Variants in C11orf65 observed in about 807,000 individuals in gnomAD.
The protein encoded by C11orf65 is protein MFI.
Under a neutral mutation model 35.3 loss-of-function variants are expected in C11orf65, and 38 were observed. That is an observed-to-expected ratio of 1.08 (90% CI 0.83 to 1.41). C11orf65 has a LOEUF of 1.41. Ranked by LOEUF, C11orf65 falls within the 40% of genes most tolerant of loss-of-function variation. C11orf65 has a pLI of 0.00. For missense variants in C11orf65, 370 were observed against 367.1 expected (o/e 1.01, Z -0.06); for synonymous variants, 105 against 114.4 (o/e 0.92, Z 0.53).
At chr11:108,321,233 A>C (rs1448731926) in intron 6 of C11orf65, 1 of 1,599,588 alleles carries the variant, frequency 6.3e-7, no homozygotes, top group Non-Finnish European at 8.5e-7. Context: ...TTAACAACAA[A>C]TTTAAACATT....
upstream of C11orf65, among the ~76,000 whole-genome samples, chr11:108,469,155 G>T (rs966373828): frequency 1.3e-5 from 2 of 151,592 alleles, no homozygotes; most frequent in Non-Finnish European, 2.9e-5. Context: ...GAGGTTGGTT[G>T]CAGTGAGCCG....
At chr11:108,434,484 G>A (rs1290448857) in intron 2 of C11orf65, among the ~76,000 whole-genome samples, 3 of 150,060 alleles carry the variant, frequency 2.0e-5, no homozygotes, top group South Asian at 2.1e-4. Context: ...CAGCCTGGGT[G>A]ACAGAGGGAG....
At chr11:108,427,502 G>A (rs1205208762) in intron 3 of C11orf65, among the ~76,000 whole-genome samples, 2 of 151,230 alleles carry the variant, frequency 1.3e-5, no homozygotes, top group East Asian at 2.0e-4. Flanking sequence ...GGCGGATCAC[G>A]AGGTCAGGAG....
chr11:108,387,751 C>T (rs1414399817), intron 7 of C11orf65, among the ~76,000 whole-genome samples: 2 of 152,154 alleles, frequency 1.3e-5, no homozygotes, highest in African/African-American at 4.8e-5. Flanking sequence ...TGGTCTTGAA[C>T]TCTTGGGCTC....
chr11:108,444,289 G>A (rs1017856934), intron 2 of C11orf65, among the ~76,000 whole-genome samples: 1 of 152,026 alleles, frequency 6.6e-6, no homozygotes, highest in Non-Finnish European at 1.5e-5. Context: ...TCCCTGAATA[G>A]ACCAATAACA....
chr11:108,459,764 CACACA>C (rs1167521519), intron 2 of C11orf65, among the ~76,000 whole-genome samples: 1 of 149,340 alleles, frequency 6.7e-6, no homozygotes, highest in African/African-American at 2.5e-5. Context: ...CACACACACA[CACACA>C]CCTCTTTATT....
At chr11:108,373,687 G>A (rs1348739996) in intron 2 of C11orf65, among the ~76,000 whole-genome samples, 3 of 152,220 alleles carry the variant, frequency 2.0e-5, no homozygotes, top group Non-Finnish European at 4.4e-5. Context: ...GACAGTGGGT[G>A]CAGCGCACCG....
At chr11:108,431,228 AAC>A (rs1447690358) in intron 3 of C11orf65, among the ~76,000 whole-genome samples, 1 of 151,650 alleles carries the variant, frequency 6.6e-6, no homozygotes, top group African/African-American at 2.4e-5. Flanking sequence ...AATTCCCAGA[AAC>A]AGTTATTAAA....
At position 108,344,635 on chromosome 11, in the gene C11orf65, T is replaced by C. The variant is rs2088063010; in HGVS notation, c.227-9343A>G. 4.0e-5 allele frequency among the ~76,000 whole-genome samples: 6 copies of C among 151,776 alleles called. No individual in the cohort carries two copies. In the South Asian group the frequency reaches 1.2e-3, roughly 32 times the overall value. On this transcript the variant is annotated intron_variant, in intron 2 of 3. Coordinates refer to the C11orf65 transcript ENST00000524755. ...TGGTCTGAACTGAGATGAACAGCAG[T>C]AGGAAGGGAGAATCGTGGGTAGAGA...
chr11:108,456,230 T>A (rs2093409947), intron 2 of C11orf65, among the ~76,000 whole-genome samples: 1 of 152,132 alleles, frequency 6.6e-6, no homozygotes, highest in Admixed American at 6.6e-5. Flanking sequence ...CATATATGAT[T>A]ACATGATTTA....
intron 2 of C11orf65, chr11:108,354,702 G>T (rs938563763): frequency 2.0e-6 from 2 of 990,004 alleles, no homozygotes; most frequent in East Asian, 2.4e-5. Flanking sequence ...CAGATATGTA[G>T]ATTATTAAGC....
intron 3 of C11orf65, among the ~76,000 whole-genome samples, chr11:108,416,758 A>G (rs1453261685): frequency 6.6e-6 from 1 of 152,122 alleles, no homozygotes; most frequent in Non-Finnish European, 1.5e-5. Flanking sequence ...TGACAACACT[A>G]GATGCTAGCA....
At chr11:108,458,369 A>G (rs1196392215) in intron 2 of C11orf65, among the ~76,000 whole-genome samples, 1 of 151,036 alleles carries the variant, frequency 6.6e-6, no homozygotes, top group Non-Finnish European at 1.5e-5. Flanking sequence ...AAAAAAAAAA[A>G]AAAAAAAAAG....
chr11:108,459,830 A>G (rs1193728391), intron 2 of C11orf65, among the ~76,000 whole-genome samples: 1 of 152,016 alleles, frequency 6.6e-6, no homozygotes, highest in East Asian at 1.9e-4. Flanking sequence ...GTATTCTGAA[A>G]TGCCTAGCAC....
intron 3 of C11orf65, chr11:108,331,578 A>T (rs1428052680): frequency 3.8e-6 from 6 of 1,589,434 alleles, no homozygotes; most frequent in Non-Finnish European, 5.1e-6. Context: ...CTGAAAATCA[A>T]ACCACAATAA....
chr11:108,411,358 T>C (rs181700807), intron 3 of C11orf65, among the ~76,000 whole-genome samples: 17 of 152,348 alleles, frequency 1.1e-4, no homozygotes, highest in Admixed American at 1.3e-4. Context: ...ACTTGGAAAT[T>C]TGTTGAGACT....
intron 2 of C11orf65, among the ~76,000 whole-genome samples, chr11:108,356,926 C>G (rs2090011664): frequency 6.6e-6 from 1 of 152,132 alleles, no homozygotes; most frequent in Non-Finnish European, 1.5e-5. Flanking sequence ...TTAAACACAC[C>G]CTCCGGGAGG....
chr11:108,319,897 A>G lies in C11orf65; in HGVS notation c.641-10826T>C, dbSNP rs2085068529. ...TGTCCTTTGGTGAAGCTATTTATAC[A>G]TGTATATCTTAGGGTTCTGTTTTTA... On this transcript the variant is annotated intron_variant, in intron 6 of 6. Transcript: ENST00000525729. 4 of 1,223,942 alleles carry G rather than the reference A, an allele frequency of 3.3e-6. No homozygotes were observed. The Admixed American group carries it at 7.0e-5, about 22-fold the overall frequency. The allele number at this position is 1,223,942 out of a possible 1,614,324, so 75.8% of individuals were successfully genotyped here.
intron 3 of C11orf65, among the ~76,000 whole-genome samples, chr11:108,430,127 C>CTTT (rs34005627): frequency 8.8e-6 from 1 of 113,430 alleles, no homozygotes; most frequent in Non-Finnish European, 1.8e-5. Flanking sequence ...GAACTGTATT[C>CTTT]TTTTTTTTTT....
Sources: gnomAD v4.1 joint callset for allele counts (sites outside exome capture counted in the v4.1 genomes callset) on GRCh38, gnomAD v4.1.1 for gene constraint, MANE v1.5 for transcripts, NCBI Gene and HGNC (gene_info 2026-07-23, HGNC 2026-07-21) for gene names.